The following SPOCK3 variants were observed in gnomAD, a reference collection of about 807,000 sequenced individuals.
The protein encoded by SPOCK3 is SPARC (osteonectin), cwcv and kazal like domains proteoglycan 3.
A neutral mutation model predicts 56.6 loss-of-function variants in SPOCK3; 30 were observed. That is an observed-to-expected ratio of 0.53 (90% confidence interval 0.40 to 0.72). The LOEUF (loss-of-function observed/expected upper bound fraction) is 0.72, where lower values mean the gene tolerates loss of function less well. SPOCK3 is among the 30% of genes least tolerant of loss of function. The pLI is 0.00. For synonymous variants in SPOCK3, 196 were observed against 183.3 expected (o/e 1.07, Z -0.56); for missense variants, 527 against 530.0 (o/e 0.99, Z 0.06).
rs75127358 is a variant in SPOCK3 at position 166,856,780 on chromosome 4, TTATCTATCTATC to T, written c.589+32338_589+32349del. 3.6e-4 allele frequency among the ~76,000 whole-genome samples: 54 copies of T among 149,388 alleles called. No homozygotes were observed. The East Asian group carries it at 6.3e-3, about 17-fold the overall frequency. On this transcript the variant is annotated intron_variant, in intron 6 of 10. Transcript: ENST00000357545. ...CAGAGCAAGGCACTTCTCAAAAAAA[TTATCTATCTATC>T]TATCTATCTATCTATCTAGATATCT...
chr4:166,880,764 G>A (rs1579520530), intron 6 of SPOCK3, among the ~76,000 whole-genome samples: 1 of 152,018 alleles, frequency 6.6e-6, no homozygotes, highest in African/African-American at 2.4e-5. Flanking sequence ...TCTATCATCT[G>A]CTTCCTATCT....
intron 4 of SPOCK3, among the ~76,000 whole-genome samples, chr4:166,967,455 C>T (rs1029913819): frequency 6.6e-6 from 1 of 152,042 alleles, no homozygotes; most frequent in African/African-American, 2.4e-5. Context: ...GGGCAGATTT[C>T]CCCCTTGTTG....
intron 7 of SPOCK3, among the ~76,000 whole-genome samples, chr4:166,770,739 C>A (rs1297029926): frequency 6.6e-6 from 1 of 151,950 alleles, no homozygotes; most frequent in Admixed American, 6.6e-5. Context: ...TCAGACCAGA[C>A]AAAAATGTCA....
chr4:166,736,196 TGTTA>T (rs760958454), intron 10 of SPOCK3, among the ~76,000 whole-genome samples: 2 of 152,146 alleles, frequency 1.3e-5, no homozygotes, highest in Non-Finnish European at 2.9e-5. Context: ...TCATCTACTG[TGTTA>T]GTTATAAAAT....
chr4:167,116,632 C>CTATATACGTATATATATACGTATATAG (rs1561233809), intron 2 of SPOCK3, among the ~76,000 whole-genome samples: 1 of 122,394 alleles, frequency 8.2e-6, no homozygotes, highest in African/African-American at 3.2e-5. Flanking sequence ...TACATATATA[C>CTATATACGTATATATATACGTATATAG]TATATACGTA....
At chr4:167,232,366 A>C (rs1269561957) in intron 2 of SPOCK3, among the ~76,000 whole-genome samples, 1 of 151,702 alleles carries the variant, frequency 6.6e-6, no homozygotes, top group African/African-American at 2.4e-5. Context: ...AAAAAAACCC[A>C]AAACAAATAG....
intron 2 of SPOCK3, among the ~76,000 whole-genome samples, chr4:167,205,295 C>A (rs13146552): frequency 0.013 from 357 of 27,322 alleles, 3 homozygotes; most frequent in African/African-American, 0.03. Flanking sequence ...TATTTTATAT[C>A]TATAATATAT....
At position 167,186,640 on chromosome 4, in the gene SPOCK3, C is replaced by G. The variant is rs150773922; in HGVS notation, c.189+47345G>C. ...AAAACTCTGTCTCAAAAACAAAAAA[C>G]AAACAACAACAACAAAAAAAACAGA... On this transcript the variant is annotated intron_variant, in intron 2 of 10. Transcript: ENST00000357545. Among the ~76,000 whole-genome samples the G allele has an allele frequency of 2.1e-4, 32 of 150,408 alleles. No homozygotes were observed. The East Asian group carries it at 5.1e-3, about 24-fold the overall frequency.
At chr4:166,907,079 C>T (rs912126308) in intron 5 of SPOCK3, among the ~76,000 whole-genome samples, 1 of 151,992 alleles carries the variant, frequency 6.6e-6, no homozygotes, top group African/African-American at 2.4e-5. Context: ...TGCACACACA[C>T]AAGTGTATAT....
At chr4:167,233,281 C>T (rs1304706575) in intron 2 of SPOCK3, among the ~76,000 whole-genome samples, 1 of 152,188 alleles carries the variant, frequency 6.6e-6, no homozygotes, top group Admixed American at 6.5e-5. Flanking sequence ...TGAAAACTCC[C>T]CAGGGGAGTC....
Position 166,754,693 on chromosome 4 carries a change from G to A in SPOCK3, c.746C>T (p.Ser249Leu). 6.2e-7 allele frequency: 1 copy of A among 1,613,604 alleles called. No homozygotes were observed. Among genetic ancestry groups the A allele is most frequent in the Non-Finnish European group, 8.5e-7 (1 of 1,179,692 alleles). ...DTSILPICKDSLGWMFNRLDT... is the reference protein window; with the variant it reads ...DTSILPICKDLLGWMFNRLDT... Reference sequence around the variant, plus strand: ...AAGTCTGTTAAACATCCAGCCAAGTGAGTCCTTGCAAATTGGCAAGATGCT... The same window carrying A: ...AAGTCTGTTAAACATCCAGCCAAGTAAGTCCTTGCAAATTGGCAAGATGCT... Residue 249 changes from serine to leucine, a missense_variant, in exon 8 of 11, where the codon TCA (serine) becomes TTA (leucine). Physicochemically the swap from Ser to Leu is moderately radical, Grantham distance 145 (BLOSUM62 -2). Coordinates refer to ENST00000357545, the MANE Select transcript of SPOCK3 (RefSeq NM_001040159.2).
chr4:167,104,230 G>A (rs568498728), intron 2 of SPOCK3, among the ~76,000 whole-genome samples: 17 of 152,120 alleles, frequency 1.1e-4, no homozygotes, highest in Non-Finnish European at 2.4e-4. Flanking sequence ...CTTACAAAAC[G>A]AACTAAATAA....
At chr4:166,969,918 T>C (rs1364844739) in intron 4 of SPOCK3, among the ~76,000 whole-genome samples, 1 of 152,320 alleles carries the variant, frequency 6.6e-6, no homozygotes, top group East Asian at 1.9e-4. Flanking sequence ...TTGATACTGA[T>C]CTTGATAAAA....
At chr4:167,216,773 ATATC>A (rs778490587) in intron 2 of SPOCK3, among the ~76,000 whole-genome samples, 4 of 152,108 alleles carry the variant, frequency 2.6e-5, no homozygotes, top group African/African-American at 7.2e-5. Context: ...AATTTTTTGT[ATATC>A]TAAGTATTTT....
chr4:166,868,993 C>G (rs1276343021), intron 6 of SPOCK3, among the ~76,000 whole-genome samples: 1 of 152,002 alleles, frequency 6.6e-6, no homozygotes, highest in African/African-American at 2.4e-5. Context: ...GAACTGTATG[C>G]TAAGAAAATC....
In SPOCK3 at chr4:167,232,778, A is replaced by G. The variant is rs146847038; in HGVS notation, c.189+1207T>C. The stretch of plus-strand genomic sequence containing the variant: ...AATCAAATGGCTAAACCTAATTTTA[A>G]AGTAAAAATTTGTGTTTCTTCAGGA... On this transcript the variant is annotated intron_variant, in intron 2 of 10. Transcript: ENST00000357545. 2.5e-3 allele frequency among the ~76,000 whole-genome samples: 374 copies of G among 152,284 alleles called. 4 individuals carry two copies. The highest frequency in any genetic ancestry group is 8.6e-3 in the African/African-American group (359 of 41,554).
intron 4 of SPOCK3, among the ~76,000 whole-genome samples, chr4:166,981,652 A>G (rs1450013278): frequency 2.6e-5 from 4 of 152,170 alleles, no homozygotes; most frequent in Non-Finnish European, 5.9e-5. Flanking sequence ...CACCAACTTC[A>G]TTCAGAACTA....
In SPOCK3 at chr4:167,193,087, C is replaced by T. The variant is rs566587095; in HGVS notation, c.189+40898G>A. 2.1e-4 allele frequency among the ~76,000 whole-genome samples: 31 copies of T among 146,006 alleles called. 3 individuals are homozygous for T. The East Asian group carries it at 6.0e-3, about 28-fold the overall frequency. The stretch of plus-strand genomic sequence containing the variant: ...TTCTGCTGCTGCTGGGTGAAGTCTT[C>T]GTTATGTGTCTGTTGGGTCCATTCA... On this transcript the variant is annotated intron_variant, in intron 2 of 10. Transcript: ENST00000357545.
intron 10 of SPOCK3, among the ~76,000 whole-genome samples, chr4:166,735,439 C>A (rs888796038): frequency 2.6e-5 from 4 of 151,964 alleles, no homozygotes; most frequent in Admixed American, 6.6e-5. Flanking sequence ...AAAAATTGCC[C>A]TACCAAAGAT....
Sources: gnomAD v4.1 joint callset for allele counts (sites outside exome capture counted in the v4.1 genomes callset) on GRCh38, gnomAD v4.1.1 for gene constraint, MANE v1.5 for transcripts, NCBI Gene and HGNC (gene_info 2026-07-23, HGNC 2026-07-21) for gene names.